Variants in DST observed in about 807,000 individuals in gnomAD.
DST encodes dystonin.
DST carries 253 observed loss-of-function variants against 875.2 expected under a neutral mutation model. That is an observed-to-expected ratio of 0.29 (90% CI 0.26 to 0.32). DST has a LOEUF of 0.32. Among genes scored for constraint, DST ranks in the 10% least tolerant of loss-of-function variants. DST has a pLI of 1.00. For synonymous variants in DST, 3,124 were observed against 3,197.1 expected (o/e 0.98, Z 0.77); for missense variants, 8,287 against 9,111.6 (o/e 0.91, Z 3.68).
At chr6:56,913,603 T>C (rs1799655338) in intron 2 of DST, among the ~76,000 whole-genome samples, 1 of 152,228 alleles carries the variant, frequency 6.6e-6, no homozygotes, top group Non-Finnish European at 1.5e-5. Flanking sequence ...TATCTGGCCC[T>C]TTACAGAAAA....
rs766998736 is a variant in DST, at chr6:56,459,270, G to A, written c.23195-3C>T. ...TCGGCTGGGAGTCTTCTTGGAATCT[G>A]AGGAAAGAAGGTAGAGACAGCTCAC... is the stretch of plus-strand genomic sequence containing the variant. On this transcript the variant is annotated splice_polypyrimidine_tract_variant and splice_region_variant and intron_variant, in intron 103 of 103. Transcript: ENST00000680361. The A allele has an allele frequency of 5.6e-6, 9 of 1,610,986 alleles. No homozygotes were observed. Among genetic ancestry groups the A allele is most frequent in the Non-Finnish European group, 7.6e-6 (9 of 1,178,354 alleles).
intron 4 of DST, chr6:56,742,331 G>T (rs1255763377): frequency 1.6e-6 from 2 of 1,289,578 alleles, no homozygotes; most frequent in Admixed American, 2.3e-5. Context: ...TTCATGAGCT[G>T]CCCCATCATT....
intron 3 of DST, among the ~76,000 whole-genome samples, chr6:56,884,104 C>G (rs115195621): frequency 0.039 from 5,976 of 151,726 alleles, 368 homozygotes; most frequent in African/African-American, 0.14. Flanking sequence ...GCACTCGAGC[C>G]TGGGTGGCAG....
At chr6:56,837,528 A>T (rs2099795139) in intron 4 of DST, among the ~76,000 whole-genome samples, 1 of 151,982 alleles carries the variant, frequency 6.6e-6, no homozygotes, top group African/African-American at 2.4e-5. Flanking sequence ...TATCTATCTA[A>T]CTTCCTGCTG....
intron 4 of DST, among the ~76,000 whole-genome samples, chr6:56,803,536 C>T (rs892936013): frequency 1.3e-5 from 2 of 152,166 alleles, no homozygotes; most frequent in African/African-American, 4.8e-5. Flanking sequence ...ATATAATTAT[C>T]AAACTTTTCA....
In DST at chr6:56,630,236, G is replaced by T; in HGVS notation, c.4281+9C>A. On this transcript the variant is annotated intron_variant, in intron 31 of 103. Transcript: ENST00000680361. ...GATATTTAAAAATATCCAAAAGTGAGTCTCATACCTTTAAAGTACTTATTA... is the reference window on the plus strand; with the variant it reads ...GATATTTAAAAATATCCAAAAGTGATTCTCATACCTTTAAAGTACTTATTA... 6.4e-7 allele frequency: 1 copy of T among 1,562,424 alleles called. No homozygotes were observed. Among genetic ancestry groups the T allele is most frequent in the South Asian group, 1.1e-5 (1 of 89,690 alleles).
chr6:56,806,990 A>T (rs1205866626), intron 4 of DST, among the ~76,000 whole-genome samples: 1 of 152,154 alleles, frequency 6.6e-6, no homozygotes, highest in East Asian at 1.9e-4. Flanking sequence ...ATTAAAGGAG[A>T]TCTAAATATA....
In DST at chr6:56,569,960, C is replaced by T. The variant is rs780962974; in HGVS notation, c.13774G>A (p.Val4592Ile). Residue 4592 changes from valine to isoleucine, a missense_variant, in exon 54 of 104, where the codon GTT (valine) becomes ATT (isoleucine). This residue lies in a region of DST where 1,513 missense variants were observed against 1,677.8 expected (regional missense o/e 0.90). Coordinates refer to ENST00000680361, the MANE Select transcript of DST (RefSeq NM_001374736.1). ...TTTATCCATGACTTCAATGATTTAA[C>T]AAGAACTTGGAAAGCATCCAACTGT... ...QEQLDAFQVL[V>I]KSLKSWIKET... 7 of 1,608,612 alleles carry T rather than the reference C, an allele frequency of 4.4e-6. No individual in the cohort carries two copies. The Admixed American group carries it at 1.2e-4, about 27-fold the overall frequency.
At chr6:56,591,877 G>T (rs536579176) in intron 49 of DST, among the ~76,000 whole-genome samples, 183 of 151,648 alleles carry the variant, frequency 1.2e-3, no homozygotes, top group African/African-American at 4.3e-3. Context: ...AGCTACTTGG[G>T]AGGCTGAGGC....
intron 9 of DST, among the ~76,000 whole-genome samples, chr6:56,680,188 C>T (rs1352936745): frequency 6.6e-6 from 1 of 152,168 alleles, no homozygotes; most frequent in Non-Finnish European, 1.5e-5. Flanking sequence ...ATCTTCACAC[C>T]TCTACCTGTT....
chr6:56,794,579 T>C (rs980630123), intron 4 of DST, among the ~76,000 whole-genome samples: 2 of 152,064 alleles, frequency 1.3e-5, no homozygotes, highest in Non-Finnish European at 1.5e-5. Context: ...CAGAAAAGGA[T>C]AGCAGCAGGT....
chr6:56,688,359 G>A (rs1442743399), intron 9 of DST, among the ~76,000 whole-genome samples: 1 of 152,172 alleles, frequency 6.6e-6, no homozygotes, highest in African/African-American at 2.4e-5. Flanking sequence ...TCATAAAAGA[G>A]TTGGTGAGAG....
rs577274959 is a variant in DST at position 56,782,681 on chromosome 6, G to T, written c.626-47392C>A. 9.3e-3 allele frequency among the ~76,000 whole-genome samples: 1,416 copies of T among 152,204 alleles called. 9 individuals carry two copies. The highest frequency in any genetic ancestry group is 0.014 in the Non-Finnish European group (953 of 68,014). On this transcript the variant is annotated intron_variant, in intron 4 of 103. Coordinates refer to ENST00000680361, the MANE Select transcript of DST (RefSeq NM_001374736.1). The stretch of plus-strand genomic sequence containing the variant: ...GATCCTTTCAAAAAACCAGCTCCTG[G>T]ATTCATTAATTTTTTGAAGGGTTTT...
At chr6:56,574,277 G>C (rs1016040104) in intron 50 of DST, among the ~76,000 whole-genome samples, 9 of 151,740 alleles carry the variant, frequency 5.9e-5, no homozygotes, top group Non-Finnish European at 1.0e-4. Flanking sequence ...AATTACTTTC[G>C]GAGGAAAAAA....
chr6:56,604,998 A>G lies in DST; in HGVS notation c.9630T>C (p.Thr3210=). 6.2e-7 allele frequency: 1 copy of G among 1,613,038 alleles called. No homozygotes were observed. The highest frequency in any genetic ancestry group is 8.5e-7 in the Non-Finnish European group (1 of 1,179,348). ...GTAAATGTTCTTTCATGGGAGGGGC[A>G]GTTATTAAAACATGGCTTGGGACAT... ...NEDVPSHVLI[T]APPMKEHLQL... is the part of the protein sequence containing the mutation. Residue 3210 remains threonine (T), a synonymous_variant, in exon 40 of 104, where the codon ACT becomes ACC. Coordinates refer to ENST00000680361, the MANE Select transcript of DST (RefSeq NM_001374736.1).
chr6:56,867,888 T>C (rs1775028030), intron 3 of DST, among the ~76,000 whole-genome samples: 1 of 152,134 alleles, frequency 6.6e-6, no homozygotes, highest in South Asian at 2.1e-4. Context: ...TTCACTTCCC[T>C]AGTATCCTGA....
Position 56,609,218 on chromosome 6 carries a change from T to C in DST, c.5410A>G (p.Ile1804Val). Residue 1804 changes from isoleucine to valine, a missense_variant, in exon 40 of 104, where the codon ATT (isoleucine) becomes GTT (valine). By Grantham distance (29) the Ile-to-Val change is conservative. Transcript: ENST00000680361. ...AATTCTGGTGAAATTAGACCAGAAA[T>C]CATTAGCTGTGTCTCAAGCAACCTA... ...GIRLLETQLMISGLISPELRK... is the reference protein window; with the variant it reads ...GIRLLETQLMVSGLISPELRK... 1.2e-6 allele frequency: 2 copies of C among 1,613,800 alleles called. No homozygotes were observed. The highest frequency in any genetic ancestry group is 1.7e-6 in the Non-Finnish European group (2 of 1,179,772).
chr6:56,681,741 T>A (rs1188679438), intron 9 of DST, among the ~76,000 whole-genome samples: 1 of 152,234 alleles, frequency 6.6e-6, no homozygotes, highest in Non-Finnish European at 1.5e-5. Flanking sequence ...ACTCAGTAAA[T>A]ATCCAATGGA....
At chr6:56,829,644 T>C (rs1415201225) in intron 4 of DST, among the ~76,000 whole-genome samples, 1 of 152,152 alleles carries the variant, frequency 6.6e-6, no homozygotes, top group Admixed American at 6.5e-5. Flanking sequence ...GGAAAGTATG[T>C]CAGAAAATGA....
Sources: allele counts gnomAD v4.1 joint callset (sites outside exome capture counted in the v4.1 genomes callset), GRCh38; gene constraint gnomAD v4.1.1; regional missense constraint gnomAD v4.1.1; transcripts MANE v1.5; gene names NCBI Gene and HGNC (gene_info 2026-07-23, HGNC 2026-07-21).